The following ANTXR1 variants were observed in gnomAD, a reference collection of about 807,000 sequenced individuals.
ANTXR1 encodes anthrax toxin receptor 1.
ANTXR1 carries 19 observed loss-of-function variants against 78.1 expected under a neutral mutation model. The ratio of observed to expected loss-of-function variants is 0.24; its 90% CI spans 0.17 to 0.36. The LOEUF (loss-of-function observed/expected upper bound fraction) is 0.36. ANTXR1 is among the 10% of genes least tolerant of loss of function. The probability of loss-of-function intolerance (pLI) is 1.00; values close to 1 mark genes in which losing one functional copy is unlikely to be tolerated. For synonymous variants in ANTXR1, 273 were observed against 260.5 expected, an observed-to-expected ratio of 1.05 and a Z score of -0.46; for missense variants, 518 against 718.6, an observed-to-expected ratio of 0.72 and a Z score of 3.19.
intron 12 of ANTXR1, among the ~76,000 whole-genome samples, chr2:69,130,023 T>C (rs747134686): frequency 7.2e-5 from 11 of 152,350 alleles, no homozygotes; most frequent in Non-Finnish European, 1.5e-4. Flanking sequence ...ACCATGACTT[T>C]GTTGTTGTTT....
At chr2:69,164,892 T>C (rs1457296427) in intron 13 of ANTXR1, among the ~76,000 whole-genome samples, 1 of 152,184 alleles carries the variant, frequency 6.6e-6, no homozygotes, top group Non-Finnish European at 1.5e-5. Context: ...TCAAAGCTGG[T>C]CTTTCTAATC....
intron 6 of ANTXR1, among the ~76,000 whole-genome samples, chr2:69,075,291 A>T (rs1227815508): frequency 6.6e-6 from 1 of 152,228 alleles, no homozygotes; most frequent in Admixed American, 6.5e-5. Context: ...TGGAAAAGGT[A>T]ATCATTTCCC....
At chr2:69,026,830 C>T (rs1194076942) in intron 1 of ANTXR1, among the ~76,000 whole-genome samples, 2 of 152,316 alleles carry the variant, frequency 1.3e-5, no homozygotes, top group Non-Finnish European at 1.5e-5. Context: ...TCCCCTCTAT[C>T]ATCTAAAACT....
At chr2:69,157,729 G>C (rs1267891718) in intron 13 of ANTXR1, among the ~76,000 whole-genome samples, 1 of 149,814 alleles carries the variant, frequency 6.7e-6, no homozygotes, top group African/African-American at 2.6e-5. Flanking sequence ...TTTGTGGAAT[G>C]AATGAATGGA....
At chr2:69,178,006 G>T (rs1009887298) in intron 14 of ANTXR1, among the ~76,000 whole-genome samples, 19 of 152,036 alleles carry the variant, frequency 1.2e-4, no homozygotes, top group African/African-American at 4.3e-4. Context: ...TTTACTAAAG[G>T]AAAGCCAGCT....
intron 12 of ANTXR1, among the ~76,000 whole-genome samples, chr2:69,144,655 G>C (rs1438421712): frequency 2.0e-5 from 3 of 152,332 alleles, no homozygotes; most frequent in East Asian, 1.9e-4. Context: ...GGCAGAGAAA[G>C]CTAATATCTC....
chr2:69,085,969 C>T (rs906242678), intron 8 of ANTXR1, among the ~76,000 whole-genome samples: 3 of 152,218 alleles, frequency 2.0e-5, no homozygotes, highest in Admixed American at 6.5e-5. Flanking sequence ...AAACCCCATA[C>T]ATCTTTAAAC....
chr2:69,145,499 A>G (rs1673197902), intron 12 of ANTXR1: 1 of 1,478,406 alleles, frequency 6.8e-7, no homozygotes, highest in Admixed American at 2.3e-5. Context: ...ACAGGCCTGG[A>G]GTTACGCACA....
At chr2:69,057,069 G>C (rs980995489) in intron 3 of ANTXR1, among the ~76,000 whole-genome samples, 2 of 149,580 alleles carry the variant, frequency 1.3e-5, no homozygotes, top group African/African-American at 5.1e-5. Context: ...TTTTTTTTGT[G>C]TGTAGATACA....
At chr2:69,072,275 A>G (rs1670589885) in intron 5 of ANTXR1, among the ~76,000 whole-genome samples, 1 of 152,218 alleles carries the variant, frequency 6.6e-6, no homozygotes, top group South Asian at 2.1e-4. Context: ...TAGCACATAG[A>G]AATTTTTATT....
chr2:69,178,019 C>A (rs1240027993), intron 14 of ANTXR1, among the ~76,000 whole-genome samples: 1 of 152,214 alleles, frequency 6.6e-6, no homozygotes, highest in Non-Finnish European at 1.5e-5. Flanking sequence ...AGCCAGCTCA[C>A]ACTGAGGATT....
chr2:69,123,463 G>A (rs373893405), intron 11 of ANTXR1, among the ~76,000 whole-genome samples: 10 of 152,060 alleles, frequency 6.6e-5, no homozygotes, highest in Non-Finnish European at 1.2e-4. Context: ...ACTTGACCTC[G>A]CTCTGTCATC....
chr2:69,090,937 G>A lies in ANTXR1; in HGVS notation c.703+18G>A, dbSNP rs1449253482. ...TGCAGGAGGTAAATTGAAATGAAAT[G>A]CTAATTGCTTTCATACAATTGATGA... On this transcript the variant is annotated intron_variant, in intron 9 of 17. Coordinates refer to ENST00000303714, the MANE Select transcript of ANTXR1 (RefSeq NM_032208.3). 1.2e-6 allele frequency: 2 copies of A among 1,609,226 alleles called. No homozygotes were observed. The highest frequency in any genetic ancestry group is 2.2e-5 in the East Asian group (1 of 44,888).
intron 13 of ANTXR1, among the ~76,000 whole-genome samples, chr2:69,156,159 T>C (rs916512894): frequency 6.6e-6 from 1 of 152,172 alleles, no homozygotes; most frequent in Non-Finnish European, 1.5e-5. Context: ...CTTACCTCTA[T>C]GGATAAGAAC....
intron 13 of ANTXR1, among the ~76,000 whole-genome samples, chr2:69,158,679 T>C (rs997715367): frequency 6.6e-6 from 1 of 152,254 alleles, no homozygotes; most frequent in Non-Finnish European, 1.5e-5. Flanking sequence ...TTACATGAGA[T>C]AGTCAATACT....
At position 69,052,976 on chromosome 2, in the gene ANTXR1, A is replaced by G. The variant is rs139243395; in HGVS notation, c.296+8163A>G. Among the ~76,000 whole-genome samples, 303 of 152,270 alleles carry G rather than the reference A, an allele frequency of 2.0e-3. 1 individual carries two copies. The highest frequency in any genetic ancestry group is 7.0e-3 in the African/African-American group (292 of 41,562). ...TGTTCCTAAATTTTTCCACATGTGT[A>G]TGACCTTGCTGTTGAAGGTATGTCT... On this transcript the variant is annotated intron_variant, in intron 3 of 17. Coordinates refer to ENST00000303714, the MANE Select transcript of ANTXR1 (RefSeq NM_032208.3).
At chr2:69,197,765 A>G (rs72903104) in intron 17 of ANTXR1, among the ~76,000 whole-genome samples, 1,576 of 152,212 alleles carry the variant, frequency 0.01, 27 homozygotes, top group African/African-American at 0.036. Flanking sequence ...CAGCTTGGCC[A>G]CTCTTTGAGT....
chr2:69,073,288 A>G (rs184852244), intron 6 of ANTXR1, among the ~76,000 whole-genome samples, 187 bp downstream of exon 6: 6 of 152,354 alleles, frequency 3.9e-5, no homozygotes, highest in African/African-American at 1.4e-4. Flanking sequence ...TGTTTTACAC[A>G]TGGTAAATGT....
chr2:69,057,090 T>G (rs184904728), intron 3 of ANTXR1, among the ~76,000 whole-genome samples: 51 of 152,324 alleles, frequency 3.3e-4, no homozygotes, highest in Admixed American at 1.1e-3. Flanking sequence ...TATAGCTGGT[T>G]GGCTCATTTT....
Sources: allele counts gnomAD v4.1 joint callset (sites outside exome capture counted in the v4.1 genomes callset), GRCh38; gene constraint gnomAD v4.1.1; transcripts MANE v1.5; gene names NCBI Gene and HGNC (gene_info 2026-07-23, HGNC 2026-07-21).